Variants in CHD2 observed in about 807,000 individuals in gnomAD.
CHD2 encodes ATP-dependent chromatin remodeler CHD2.
Under a neutral mutation model 243.9 loss-of-function variants are expected in CHD2, and 28 were observed. That is an observed-to-expected ratio of 0.11 (90% CI 0.09 to 0.16). The LOEUF (loss-of-function observed/expected upper bound fraction) is 0.16, where lower values mean the gene tolerates loss of function less well. CHD2 is among the 10% of genes least tolerant of loss of function. CHD2 has a pLI of 1.00. For synonymous variants in CHD2, 775 were observed against 779.0 expected, an observed-to-expected ratio of 0.99 and a Z score of 0.09; for missense variants, 1,386 against 2,209.8, an observed-to-expected ratio of 0.63 and a Z score of 7.47.
intron 2 of CHD2, chr15:92,902,572 C>CT (rs2052544577): frequency 6.2e-6 from 1 of 161,878 alleles, no homozygotes; most frequent in Non-Finnish European, 1.3e-5. Flanking sequence ...TTGAGCCTTG[C>CT]TTTAGAAAAT....
chr15:92,956,547 T>C lies in CHD2; in HGVS notation c.1898T>C (p.Leu633Pro). The C allele has an allele frequency of 6.2e-7, 1 of 1,614,028 alleles. No homozygotes were observed. The highest frequency in any genetic ancestry group is 8.5e-7 in the Non-Finnish European group (1 of 1,179,894). ...KNDDSLLYKTLIDFKSNHRLL... is the reference protein window; with the variant it reads ...KNDDSLLYKTPIDFKSNHRLL... Reference sequence around the variant, plus strand: ...GATGACTCTTTATTGTATAAAACTCTGATTGATTTCAAGTCCAACCATAGG... The same window carrying C: ...GATGACTCTTTATTGTATAAAACTCCGATTGATTTCAAGTCCAACCATAGG... Residue 633 changes from leucine (L) to proline (P), a missense_variant, in exon 16 of 39, where the codon CTG becomes CCG. Coordinates refer to ENST00000394196, the MANE Select transcript of CHD2 (RefSeq NM_001271.4).
intron 33 of CHD2, among the ~76,000 whole-genome samples, chr15:93,004,315 A>G (rs1480470475): frequency 1.3e-5 from 2 of 152,160 alleles, no homozygotes; most frequent in African/African-American, 4.8e-5. Context: ...TTACAAGCTT[A>G]ACCTCTTGAT....
chr15:92,925,898 TTCA>T (rs1287195582), intron 3 of CHD2, among the ~76,000 whole-genome samples: 4 of 152,232 alleles, frequency 2.6e-5, no homozygotes, highest in African/African-American at 7.2e-5. Context: ...TTCAGCTTAC[TTCA>T]TCATTTTTAT....
intron 32 of CHD2, 51 bp downstream of exon 32, chr15:93,000,691 TATC>T: frequency 1.3e-6 from 2 of 1,544,082 alleles, no homozygotes; most frequent in Non-Finnish European, 1.8e-6. Context: ...TAGCTATACT[TATC>T]ATGCCAGCTG....
intron 35 of CHD2, 55 bp from the exon 36 acceptor site, chr15:93,012,290 A>G: frequency 8.0e-7 from 1 of 1,245,210 alleles, no homozygotes; most frequent in Non-Finnish European, 1.1e-6. Context: ...GAAGATCATA[A>G]AAAATTGCTT....
At chr15:92,937,040 T>C (rs759822426) in intron 5 of CHD2, among the ~76,000 whole-genome samples, 26 of 152,122 alleles carry the variant, frequency 1.7e-4, no homozygotes, top group Non-Finnish European at 2.9e-4. Flanking sequence ...ATTTTAACTT[T>C]AATTTTTCTG....
Position 92,949,087 on chromosome 15 carries a change from A to G in CHD2, c.1502+11A>G, listed in dbSNP as rs767051982. 1 of 1,607,008 alleles carries G rather than the reference A, an allele frequency of 6.2e-7. No individual in the cohort carries two copies. The highest frequency in any genetic ancestry group is 1.1e-5 in the South Asian group (1 of 89,112). On this transcript the variant is annotated intron_variant, in intron 13 of 38. Transcript: ENST00000394196. ...TCATTCCTGGTGCAAGTAGGTAGAA[A>G]AATATGAGTGCAATTTTCCTTACTG...
intron 5 of CHD2, 94 bp from the exon 6 acceptor site, chr15:92,937,424 C>A: frequency 2.4e-6 from 2 of 849,748 alleles, no homozygotes; most frequent in Non-Finnish European, 3.7e-6. Flanking sequence ...ATGTTCTGCC[C>A]TTTGGATAGT....
intron 33 of CHD2, among the ~76,000 whole-genome samples, chr15:93,003,799 C>T (rs535929981): frequency 1.9e-4 from 23 of 121,298 alleles, no homozygotes; most frequent in African/African-American, 6.4e-4. Flanking sequence ...ATCCATATAA[C>T]TATAAACAAA....
chr15:93,024,157 G>A (rs2054565640), intron 38 of CHD2, among the ~76,000 whole-genome samples: 1 of 122,692 alleles, frequency 8.2e-6, no homozygotes, highest in Non-Finnish European at 1.7e-5. Flanking sequence ...TTTTTCAAGT[G>A]TGTACTTGTG....
rs1427971292 is a variant in CHD2 at position 92,941,864 on chromosome 15, C to A, written c.735C>A (p.Leu245=). ...ACTTTGAGACTGACTCAGATGATCT[C>A]ATTGAAATGACTGGAGAAGGAGTTG... is the stretch of plus-strand genomic sequence containing the variant. The part of the protein sequence containing the change: ...DDDFETDSDD[L]IEMTGEGVDE... The change falls in exon 8 of 39, where the codon CTC becomes CTA. Residue 245 remains leucine (L), a synonymous_variant. Coordinates refer to ENST00000394196, the MANE Select transcript of CHD2 (RefSeq NM_001271.4). The A allele has an allele frequency of 6.2e-7, 1 of 1,613,226 alleles. No individual in the cohort carries two copies. Among genetic ancestry groups the A allele is most frequent in the Non-Finnish European group, 8.5e-7 (1 of 1,179,452 alleles).
intron 17 of CHD2, 76 bp downstream of exon 17, chr15:92,967,589 T>A: frequency 1.0e-6 from 1 of 987,910 alleles, no homozygotes. Flanking sequence ...GATATATATA[T>A]ATACTTTTGT....
intron 8 of CHD2, 117 bp downstream of exon 8, chr15:92,942,072 T>A: frequency 1.0e-6 from 1 of 972,378 alleles, no homozygotes; most frequent in Non-Finnish European, 1.5e-6. Flanking sequence ...TTGTGATATG[T>A]AGAAGTCTTT....
At chr15:92,982,807 G>C (rs1336262490) in intron 24 of CHD2, among the ~76,000 whole-genome samples, 7 of 152,172 alleles carry the variant, frequency 4.6e-5, no homozygotes, top group African/African-American at 1.4e-4. Flanking sequence ...GAGAGCCCTA[G>C]ATTAATGGGT....
intron 2 of CHD2, among the ~76,000 whole-genome samples, chr15:92,905,723 G>A (rs1331309788): frequency 6.6e-6 from 1 of 152,170 alleles, no homozygotes; most frequent in African/African-American, 2.4e-5. Flanking sequence ...TGCTTTTTCT[G>A]TTACAGAGAA....
intron 2 of CHD2, 118 bp downstream of exon 2, chr15:92,901,417 T>C (rs900122164): frequency 2.9e-6 from 2 of 692,020 alleles, no homozygotes; most frequent in African/African-American, 1.8e-5. Flanking sequence ...TTTTCTAATT[T>C]GGATTCGTTT....
chr15:93,009,364 A>G, intron 35 of CHD2, 41 bp downstream of exon 35: 4 of 1,565,934 alleles, frequency 2.6e-6, no homozygotes, highest in Non-Finnish European at 3.5e-6. Flanking sequence ...GATTTGACTG[A>G]GTGTGGGAGT....
chr15:92,904,601 T>C (rs1596362560), intron 2 of CHD2: 1 of 1,135,220 alleles, frequency 8.8e-7, no homozygotes, highest in Non-Finnish European at 1.1e-6. Flanking sequence ...CCGCACCCTG[T>C]AGTGTGTTCT....
At chr15:93,023,668 GT>G (rs372258934) in intron 38 of CHD2, among the ~76,000 whole-genome samples, 2 of 138,210 alleles carry the variant, frequency 1.4e-5, no homozygotes, top group Admixed American at 7.1e-5. Flanking sequence ...TATTTCCTGG[GT>G]TTTTTTTTTG....
Sources: gnomAD v4.1 joint callset for allele counts (sites outside exome capture counted in the v4.1 genomes callset) on GRCh38, gnomAD v4.1.1 for gene constraint, MANE v1.5 for transcripts, NCBI Gene and HGNC (gene_info 2026-07-23, HGNC 2026-07-21) for gene names.